Variants in DLG2 observed in about 807,000 individuals in gnomAD.
The protein encoded by DLG2 is discs large MAGUK scaffold protein 2.
A neutral mutation model predicts 132.5 loss-of-function variants in DLG2; 45 were observed. The observed-to-expected ratio is 0.34, with a 90% CI of 0.27 to 0.44. The LOEUF is 0.44. Among genes scored for constraint, DLG2 ranks in the 20% least tolerant of loss-of-function variants. DLG2 has a pLI of 1.00. For synonymous variants in DLG2, 424 were observed against 419.6 expected, an observed-to-expected ratio of 1.01 and a Z score of -0.13; for missense variants, 1,045 against 1,196.9, an observed-to-expected ratio of 0.87 and a Z score of 1.87.
chr11:85,556,604 T>C (rs1222055352), intron 3 of DLG2, among the ~76,000 whole-genome samples: 1 of 151,950 alleles, frequency 6.6e-6, no homozygotes, highest in East Asian at 1.9e-4. Flanking sequence ...TCTTACTTTT[T>C]ATATAACTAA....
intron 6 of DLG2, among the ~76,000 whole-genome samples, chr11:85,005,958 C>T (rs952292469): frequency 6.6e-6 from 1 of 152,124 alleles, no homozygotes; most frequent in Admixed American, 6.5e-5. Flanking sequence ...TATCGAAGGC[C>T]TTTTCTGCAT....
intron 17 of DLG2, among the ~76,000 whole-genome samples, chr11:83,822,374 A>G (rs2051064261): frequency 6.6e-6 from 1 of 152,162 alleles, no homozygotes; most frequent in South Asian, 2.1e-4. Flanking sequence ...TTCCTCAAAT[A>G]GAGCTCAGTG....
rs530368974 is a variant in DLG2, at chr11:85,538,782, C to T, written c.40+59875G>A. ...GCATGTTCTCACTCATAAATGGGAG[C>T]TGAACAGTGAGAACACATGGACACA... On this transcript the variant is annotated intron_variant, in intron 3 of 27. Coordinates refer to ENST00000376104, the MANE Select transcript of DLG2 (RefSeq NM_001142699.3). Among the ~76,000 whole-genome samples the T allele has an allele frequency of 5.3e-5, 8 of 151,788 alleles. No individual in the cohort carries two copies. In the South Asian group the frequency reaches 1.7e-3, roughly 31 times the overall value.
At chr11:84,672,187 C>T (rs989431797) in intron 6 of DLG2, among the ~76,000 whole-genome samples, 3 of 152,038 alleles carry the variant, frequency 2.0e-5, no homozygotes, top group East Asian at 1.9e-4. Context: ...TAAGACTAAA[C>T]GGAGGATGCT....
chr11:85,535,800 C>T (rs946634115), intron 3 of DLG2, among the ~76,000 whole-genome samples: 7 of 152,034 alleles, frequency 4.6e-5, no homozygotes, highest in Non-Finnish European at 7.4e-5. Flanking sequence ...GAATAATATC[C>T]AGTCATAAAA....
At chr11:83,719,532 G>C (rs2087758062) in intron 18 of DLG2, among the ~76,000 whole-genome samples, 1 of 152,204 alleles carries the variant, frequency 6.6e-6, no homozygotes, top group African/African-American at 2.4e-5. Flanking sequence ...CCTGGCAAAA[G>C]GGGAAGGTTA....
intron 6 of DLG2, among the ~76,000 whole-genome samples, chr11:84,725,764 T>C (rs1423745665): frequency 1.3e-5 from 2 of 152,138 alleles, no homozygotes; most frequent in Non-Finnish European, 2.9e-5. Context: ...TGAGATAACA[T>C]ATTGCAAAAT....
At position 83,724,474 on chromosome 11, in the gene DLG2, TGTGAGAGAGA is replaced by T. The variant is rs1222409590; in HGVS notation, c.1825+62206_1825+62215del. Among the ~76,000 whole-genome samples the T allele has an allele frequency of 6.5e-3, 671 of 103,472 alleles. 4 individuals carry two copies. Among genetic ancestry groups the T allele is most frequent in the Admixed American group, 0.011 (91 of 8,530 alleles). 67.9% of individuals were successfully genotyped at this position (103,472 alleles called of 152,430 possible). A position where few individuals can be genotyped will look rare whatever the true frequency, so the allele number is the denominator to read the frequency against. On this transcript the variant is annotated intron_variant, in intron 18 of 27. Coordinates refer to ENST00000376104, the MANE Select transcript of DLG2 (RefSeq NM_001142699.3). ...CTCTCTCTCCGTGTGTGTGTGTGTG[TGTGAGAGAGA>T]GAGAGAGAGAGAGAGAGAGAGAGAG...
chr11:85,514,512 A>G (rs930001801), intron 3 of DLG2, among the ~76,000 whole-genome samples: 5 of 151,962 alleles, frequency 3.3e-5, no homozygotes, highest in African/African-American at 1.2e-4. Flanking sequence ...CTCTGGGTAT[A>G]GGTACTTTAC....
intron 10 of DLG2, among the ~76,000 whole-genome samples, chr11:84,094,916 G>A (rs904559593): frequency 2.6e-5 from 4 of 152,070 alleles, no homozygotes; most frequent in Admixed American, 1.3e-4. Context: ...AGAAAACTGT[G>A]TTTAATTTAT....
intron 3 of DLG2, among the ~76,000 whole-genome samples, chr11:85,349,637 C>T (rs930464239): frequency 6.6e-6 from 1 of 152,070 alleles, no homozygotes; most frequent in Non-Finnish European, 1.5e-5. Context: ...GTTCAATTCC[C>T]ACCTATAAGT....
At chr11:85,493,134 T>C (rs750585695) in intron 3 of DLG2, among the ~76,000 whole-genome samples, 1 of 152,230 alleles carries the variant, frequency 6.6e-6, no homozygotes, top group African/African-American at 2.4e-5. Context: ...GTTTATGAAC[T>C]GAGTACTGAT....
chr11:85,467,570 T>C (rs1324751427), intron 3 of DLG2, among the ~76,000 whole-genome samples: 4 of 152,192 alleles, frequency 2.6e-5, no homozygotes, highest in Non-Finnish European at 5.9e-5. Flanking sequence ...GAGATAGTCA[T>C]GTAGTTTTTG....
chr11:85,249,526 T>TG (rs1225818785), intron 4 of DLG2, among the ~76,000 whole-genome samples: 1 of 152,102 alleles, frequency 6.6e-6, no homozygotes, highest in Non-Finnish European at 1.5e-5. Context: ...AATTGTATGT[T>TG]GACCTATATA....
At chr11:84,531,996 G>T (rs1388291607) in intron 7 of DLG2, among the ~76,000 whole-genome samples, 1 of 151,832 alleles carries the variant, frequency 6.6e-6, no homozygotes, top group Non-Finnish European at 1.5e-5. Flanking sequence ...ACAGTGAGTA[G>T]CATAATAAAT....
intron 4 of DLG2, among the ~76,000 whole-genome samples, chr11:85,174,867 A>G (rs1429324041): frequency 2.6e-5 from 4 of 152,172 alleles, no homozygotes; most frequent in Non-Finnish European, 5.9e-5. Flanking sequence ...AAAATCTAGA[A>G]GAAATTGATA....
In DLG2 at chr11:84,133,596, T is replaced by C. The variant is rs529032824; in HGVS notation, c.624+29865A>G. 3.8e-4 allele frequency among the ~76,000 whole-genome samples: 57 copies of C among 151,214 alleles called. No individual in the cohort carries two copies. In the South Asian group the frequency reaches 0.011, roughly 30 times the overall value. On this transcript the variant is annotated intron_variant, in intron 9 of 27. Coordinates refer to ENST00000376104, the MANE Select transcript of DLG2 (RefSeq NM_001142699.3). ...TTCACTATAAAATTAATCATTTTTG[T>C]TTTGGATCTCTTGAGAGAGAATAAT... is the stretch of plus-strand genomic sequence containing the variant.
At chr11:84,528,961 T>C (rs965661438) in intron 7 of DLG2, among the ~76,000 whole-genome samples, 5 of 152,212 alleles carry the variant, frequency 3.3e-5, no homozygotes, top group African/African-American at 1.2e-4. Flanking sequence ...CTCATGTGCC[T>C]CCATTTCCAC....
Position 83,963,074 on chromosome 11 carries a change from A to G in DLG2, c.1202-51T>C, listed in dbSNP as rs758453384. ...AGAAACCTGTTATGTGGGTGATTCA[A>G]TGTGTCATGCTATACTTCAGAAAAA... is the stretch of plus-strand genomic sequence containing the variant. On this transcript the variant is annotated intron_variant, in intron 13 of 27. Coordinates refer to ENST00000376104, the MANE Select transcript of DLG2 (RefSeq NM_001142699.3). 6 of 1,581,924 alleles carry G rather than the reference A, an allele frequency of 3.8e-6. No individual in the cohort carries two copies. The East Asian group carries it at 6.7e-5, about 18-fold the overall frequency.
Sources: gnomAD v4.1 joint callset for allele counts (sites outside exome capture counted in the v4.1 genomes callset) on GRCh38, gnomAD v4.1.1 for gene constraint, MANE v1.5 for transcripts, NCBI Gene and HGNC (gene_info 2026-07-23, HGNC 2026-07-21) for gene names.